ZFPM2: variants seen among roughly 807,000 people sequenced by gnomAD.
The protein encoded by ZFPM2 is zinc finger protein ZFPM2.
Under a neutral mutation model 98.6 loss-of-function variants are expected in ZFPM2, and 20 were observed. The observed-to-expected ratio is 0.20, with a 90% confidence interval of 0.14 to 0.29. The LOEUF is 0.29. Among genes scored for constraint, ZFPM2 ranks in the 10% least tolerant of loss-of-function variants. The probability of loss-of-function intolerance (pLI) is 1.00; values close to 1 mark genes in which losing one functional copy is unlikely to be tolerated. For synonymous variants in ZFPM2, 518 were observed against 502.7 expected, an observed-to-expected ratio of 1.03 and a Z score of -0.41; for missense variants, 1,310 against 1,388.6, an observed-to-expected ratio of 0.94 and a Z score of 0.90.
At chr8:105,716,736 A>C (rs2130987956) in intron 5 of ZFPM2, among the ~76,000 whole-genome samples, 1 of 152,124 alleles carries the variant, frequency 6.6e-6, no homozygotes, top group Admixed American at 6.6e-5. Context: ...TGAGTCTAAA[A>C]GAATCAGAGT....
At chr8:105,464,685 A>G (rs1812764941) in intron 3 of ZFPM2, among the ~76,000 whole-genome samples, 1 of 151,778 alleles carries the variant, frequency 6.6e-6, no homozygotes, top group South Asian at 2.1e-4. Flanking sequence ...TTAAATAATT[A>G]TAGTTCCAGC....
chr8:105,635,218 T>G (rs1376421151), intron 5 of ZFPM2, among the ~76,000 whole-genome samples: 1 of 152,190 alleles, frequency 6.6e-6, no homozygotes, highest in Admixed American at 6.5e-5. Flanking sequence ...AGATCAAAGA[T>G]GTATTTGCAC....
At chr8:105,795,757 A>C (rs1317976625) in intron 6 of ZFPM2, 1 of 465,262 alleles carries the variant, frequency 2.1e-6, no homozygotes, top group Middle Eastern at 3.5e-4. Flanking sequence ...GTGTCACAGA[A>C]TGACACTTCA....
intron 1 of ZFPM2, among the ~76,000 whole-genome samples, chr8:105,412,664 C>T (rs549576452): frequency 1.1e-4 from 17 of 151,570 alleles, no homozygotes; most frequent in Middle Eastern, 3.4e-3. Context: ...AGAACTTGCT[C>T]ATTTAAAATA....
At chr8:105,546,762 A>G (rs550828881) in intron 3 of ZFPM2, among the ~76,000 whole-genome samples, 50 of 152,288 alleles carry the variant, frequency 3.3e-4, no homozygotes, top group African/African-American at 1.2e-3. Flanking sequence ...GATCCAGAGT[A>G]AATATAAGCT....
intron 5 of ZFPM2, among the ~76,000 whole-genome samples, chr8:105,744,131 A>G (rs2131038810): frequency 6.6e-6 from 1 of 152,180 alleles, no homozygotes; most frequent in African/African-American, 2.4e-5. Flanking sequence ...TAACTGTGTT[A>G]TTTTCTTTTC....
chr8:105,407,881 A>C (rs1330373851), intron 1 of ZFPM2, among the ~76,000 whole-genome samples: 1 of 151,968 alleles, frequency 6.6e-6, no homozygotes, highest in Non-Finnish European at 1.5e-5. Flanking sequence ...ATATGATGCC[A>C]TATAGACACT....
chr8:105,669,163 A>G (rs1458474468), intron 5 of ZFPM2, among the ~76,000 whole-genome samples: 1 of 152,020 alleles, frequency 6.6e-6, no homozygotes, highest in Non-Finnish European at 1.5e-5. Context: ...TACTGGGAAA[A>G]CTTTGGAGAG....
Position 105,336,572 on chromosome 8 carries a change from A to G in ZFPM2, c.40+17591A>G, listed in dbSNP as rs190213440. 2.9e-3 allele frequency among the ~76,000 whole-genome samples: 438 copies of G among 151,794 alleles called. 3 individuals are homozygous for G. The highest frequency in any genetic ancestry group is 0.014 in the Middle Eastern group (4 of 294). ...TACTCTAATTGAATAATTTTGCTCA[A>G]ATCACCCTAAAGTAATTTTAAAAGG... On this transcript the variant is annotated intron_variant, in intron 1 of 7. Transcript: ENST00000407775.
chr8:105,551,401 T>C (rs1017127324), intron 3 of ZFPM2, among the ~76,000 whole-genome samples: 3 of 152,194 alleles, frequency 2.0e-5, no homozygotes, highest in Non-Finnish European at 4.4e-5. Flanking sequence ...TTTATTTCTT[T>C]ATGGTTCTGT....
At chr8:105,754,179 G>A (rs1202744239) in intron 5 of ZFPM2, among the ~76,000 whole-genome samples, 1 of 152,056 alleles carries the variant, frequency 6.6e-6, no homozygotes. Flanking sequence ...TTTCCTTTGA[G>A]TCCAAAAGCT....
chr8:105,724,716 C>G (rs1165776613), intron 5 of ZFPM2, among the ~76,000 whole-genome samples: 1 of 151,642 alleles, frequency 6.6e-6, no homozygotes, highest in Non-Finnish European at 1.5e-5. Flanking sequence ...TGAATGTTAA[C>G]TTTTTCTGTT....
At chr8:105,546,405 C>A (rs577141017) in intron 3 of ZFPM2, among the ~76,000 whole-genome samples, 2 of 151,418 alleles carry the variant, frequency 1.3e-5, no homozygotes, top group Non-Finnish European at 2.9e-5. Context: ...GGAGAAACAC[C>A]GTAAAAATAC....
intron 5 of ZFPM2, among the ~76,000 whole-genome samples, chr8:105,727,577 A>G (rs1460505041): frequency 2.6e-5 from 4 of 151,718 alleles, no homozygotes; most frequent in Non-Finnish European, 5.9e-5. Context: ...TAGGCTATTA[A>G]CAAGTCAACC....
intron 3 of ZFPM2, among the ~76,000 whole-genome samples, chr8:105,530,411 A>C (rs1814270788): frequency 1.3e-5 from 2 of 152,194 alleles, no homozygotes; most frequent in South Asian, 2.1e-4. Flanking sequence ...CCGTAACTAA[A>C]GACTAGGTGG....
intron 4 of ZFPM2, among the ~76,000 whole-genome samples, chr8:105,613,511 G>C (rs901517836): frequency 2.0e-5 from 3 of 152,082 alleles, no homozygotes; most frequent in Non-Finnish European, 2.9e-5. Context: ...ATGTTGAAAG[G>C]TTCCTCTGAA....
At chr8:105,572,431 A>G (rs1364708135) in intron 4 of ZFPM2, among the ~76,000 whole-genome samples, 1 of 152,122 alleles carries the variant, frequency 6.6e-6, no homozygotes, top group Non-Finnish European at 1.5e-5. Context: ...TTGGAGATTA[A>G]CATATTTTTG....
At chr8:105,514,601 A>G (rs1344659876) in intron 3 of ZFPM2, among the ~76,000 whole-genome samples, 1 of 151,812 alleles carries the variant, frequency 6.6e-6, no homozygotes, top group Non-Finnish European at 1.5e-5. Context: ...TCCTTGCCAC[A>G]GTACTTGTTG....
intron 1 of ZFPM2, among the ~76,000 whole-genome samples, chr8:105,372,336 C>T (rs1243942249): frequency 1.3e-5 from 2 of 152,046 alleles, no homozygotes; most frequent in South Asian, 4.1e-4. Context: ...GCCACCGCGC[C>T]CGGCCTATTA....
Sources: allele counts gnomAD v4.1 joint callset (sites outside exome capture counted in the v4.1 genomes callset), GRCh38; gene constraint gnomAD v4.1.1; transcripts MANE v1.5; gene names NCBI Gene and HGNC (gene_info 2026-07-23, HGNC 2026-07-21).